The following PDE10A variants were observed in gnomAD, a reference collection of about 807,000 sequenced individuals.
PDE10A encodes phosphodiesterase 10A, also known as cAMP and cAMP-inhibited cGMP 3',5'-cyclic phosphodiesterase 10A.
In PDE10A, 39 loss-of-function variants were observed where a neutral mutation model predicts 97.7. The observed-to-expected ratio is 0.40, with a 90% confidence interval of 0.31 to 0.52. The LOEUF is 0.52. Among genes scored for constraint, PDE10A ranks in the 20% least tolerant of loss-of-function variants. The pLI is 0.56. For synonymous variants in PDE10A, 371 were observed against 376.8 expected, an observed-to-expected ratio of 0.98 and a Z score of 0.18; for missense variants, 731 against 1,047.8, an observed-to-expected ratio of 0.70 and a Z score of 4.17.
At chr6:165,619,732 G>A (rs1211933258) in intron 1 of PDE10A, among the ~76,000 whole-genome samples, 1 of 151,398 alleles carries the variant, frequency 6.6e-6, no homozygotes, top group Non-Finnish European at 1.5e-5. Flanking sequence ...GTGTAGTGTA[G>A]TGTAGTCTAG....
chr6:165,409,962 G>A (rs35633660), intron 13 of PDE10A, among the ~76,000 whole-genome samples: 1 of 144,902 alleles, frequency 6.9e-6, no homozygotes, highest in East Asian at 2.0e-4. Flanking sequence ...TAGTGACTTA[G>A]AAAAGCATTT....
At chr6:165,916,654 A>T (rs928833208) in intron 1 of PDE10A, among the ~76,000 whole-genome samples, 4 of 152,174 alleles carry the variant, frequency 2.6e-5, no homozygotes, top group Non-Finnish European at 4.4e-5. Context: ...GCTTTCATTT[A>T]TTTCATTTAT....
At chr6:165,763,147 G>A (rs1448500592) in intron 1 of PDE10A, among the ~76,000 whole-genome samples, 6 of 152,230 alleles carry the variant, frequency 3.9e-5, no homozygotes, top group Middle Eastern at 6.8e-3. Context: ...CTCACATCCC[G>A]TGTCTGGTGT....
chr6:165,908,722 T>A (rs1782372565), intron 1 of PDE10A: 1 of 152,242 alleles, frequency 6.6e-6, no homozygotes, highest in Admixed American at 6.5e-5. Flanking sequence ...GACTCCAGCA[T>A]CCCAATCCGT....
chr6:165,597,650 C>A (rs1208462066), intron 1 of PDE10A, among the ~76,000 whole-genome samples: 2 of 152,152 alleles, frequency 1.3e-5, no homozygotes, highest in Non-Finnish European at 2.9e-5. Context: ...CAGAAAAAAA[C>A]AAACCCACTT....
chr6:165,333,459 T>C (rs1427539357), intron 21 of PDE10A, among the ~76,000 whole-genome samples: 1 of 152,102 alleles, frequency 6.6e-6, no homozygotes, highest in Non-Finnish European at 1.5e-5. Context: ...TACTGAGGAA[T>C]ACGCGGGATC....
chr6:165,577,681 C>T (rs755114981), intron 1 of PDE10A, among the ~76,000 whole-genome samples: 1 of 152,208 alleles, frequency 6.6e-6, no homozygotes, highest in Non-Finnish European at 1.5e-5. Flanking sequence ...TGCCTCCCAG[C>T]CACCATCCAC....
rs897860070 is a variant in PDE10A, at chr6:165,671,133, A to C, written c.-614-127565T>G. Among the ~76,000 whole-genome samples the C allele has an allele frequency of 8.0e-6, 1 of 124,804 alleles. No individual in the cohort carries two copies. Among genetic ancestry groups the C allele is most frequent in the Non-Finnish European group, 1.8e-5 (1 of 56,444 alleles). The allele number at this position is 124,804 out of a possible 152,430, so 81.9% of individuals were successfully genotyped here. A position where few individuals can be genotyped will look rare whatever the true frequency, so the allele number is the denominator to read the frequency against. On this transcript the variant is annotated intron_variant, in intron 1 of 19. Transcript: ENST00000366882. This position sits in a 1 kb window ranked among gnomAD's most constrained non-coding sequence, Gnocchi z 4.6. ...ATCACCCTTTTTGGGTAAAACGTTC[A>C]CTAATTTTTTTTTTTTTAAGAATCA...
At chr6:165,481,313 T>C (rs1329341487) in intron 3 of PDE10A, among the ~76,000 whole-genome samples, 2 of 152,126 alleles carry the variant, frequency 1.3e-5, no homozygotes. Context: ...GTGACATTAA[T>C]AGCGAAGGCA....
intron 1 of PDE10A, among the ~76,000 whole-genome samples, chr6:165,979,134 G>A (rs567223574): frequency 2.8e-4 from 43 of 152,172 alleles, no homozygotes; most frequent in Non-Finnish European, 3.5e-4. Flanking sequence ...GGCTAGCTCC[G>A]AGTGTGTCTG....
intron 1 of PDE10A, among the ~76,000 whole-genome samples, chr6:165,599,306 T>C (rs1786793992): frequency 6.6e-6 from 1 of 152,236 alleles, no homozygotes; most frequent in African/African-American, 2.4e-5. Context: ...CAAACCTTTA[T>C]GCACAGTCCT....
intron 1 of PDE10A, among the ~76,000 whole-genome samples, chr6:165,873,137 C>G (rs577211539): frequency 6.6e-6 from 1 of 152,310 alleles, no homozygotes; most frequent in East Asian, 1.9e-4. Context: ...CCAGATCCCC[C>G]CAAAGCCCCA....
At chr6:165,831,712 C>G (rs1294002377) in intron 1 of PDE10A, among the ~76,000 whole-genome samples, 9 of 151,968 alleles carry the variant, frequency 5.9e-5, no homozygotes, top group Non-Finnish European at 1.3e-4. Flanking sequence ...GTCTCGATCT[C>G]CTGACCTTGT....
intron 5 of PDE10A, among the ~76,000 whole-genome samples, chr6:165,442,518 G>A (rs528799082): frequency 1.3e-5 from 2 of 152,276 alleles, no homozygotes; most frequent in East Asian, 1.9e-4. Flanking sequence ...GGTGGCAGAA[G>A]AGGGAGTGCA....
At chr6:165,904,336 G>A (rs1782203579) in intron 1 of PDE10A, among the ~76,000 whole-genome samples, 1 of 152,158 alleles carries the variant, frequency 6.6e-6, no homozygotes, top group Non-Finnish European at 1.5e-5. Context: ...CATGGGTCTG[G>A]ATGGGCCTAC....
rs550041696 is a variant in PDE10A, at chr6:165,661,715, C to T, written c.865+232G>A. 176 of 444,072 alleles carry T rather than the reference C, an allele frequency of 4.0e-4. No homozygotes were observed. Among genetic ancestry groups the T allele is most frequent in the African/African-American group, 3.2e-3 (156 of 48,118 alleles). 27.5% of individuals were successfully genotyped at this position (444,072 alleles called of 1,614,324 possible). A position where few individuals can be genotyped will look rare whatever the true frequency, so the allele number is the denominator to read the frequency against. ...CCGCCCTCCCGAGCCGCCCTTCCCC[C>T]GAGCGCTCGCGGAGCCTGGGAAACC... On this transcript the variant is annotated intron_variant, in intron 1 of 21. Transcript: ENST00000539869. The surrounding 1 kb of genome is among the most constrained non-coding windows in gnomAD (Gnocchi z 4.8).
At chr6:165,574,829 T>C (rs1310141729) in intron 1 of PDE10A, among the ~76,000 whole-genome samples, 4 of 152,234 alleles carry the variant, frequency 2.6e-5, no homozygotes, top group Non-Finnish European at 5.9e-5. Context: ...ACATTATAAC[T>C]GTTTATTATT....
intron 3 of PDE10A, among the ~76,000 whole-genome samples, chr6:165,472,180 T>A (rs977571965): frequency 3.3e-5 from 5 of 152,110 alleles, no homozygotes; most frequent in African/African-American, 9.6e-5. Flanking sequence ...TATAGCAGTA[T>A]ATTCAGGTTT....
rs1383240077 is a variant in PDE10A at position 165,346,887 on chromosome 6, G to T, written c.2784-3385C>A. Among the ~76,000 whole-genome samples, 1,031 of 152,318 alleles carry T rather than the reference G, an allele frequency of 6.8e-3. 10 individuals carry two copies. The highest frequency in any genetic ancestry group is 0.024 in the African/African-American group (989 of 41,568). ...TAAGCAAAGACCAGAATTCTGTTAT[G>T]AGGTAGTCTTAATTATTACTGTGAG... On this transcript the variant is annotated intron_variant, in intron 18 of 21. Transcript: ENST00000539869.
Sources: allele counts gnomAD v4.1 joint callset (sites outside exome capture counted in the v4.1 genomes callset), GRCh38; gene constraint gnomAD v4.1.1; non-coding constraint Gnocchi (gnomAD v3.1); transcripts MANE v1.5; gene names NCBI Gene and HGNC (gene_info 2026-07-23, HGNC 2026-07-21).